Variants in NPM2 observed in about 807,000 individuals in gnomAD.
The protein encoded by NPM2 is nucleophosmin/nucleoplasmin 2.
NPM2 carries 25 observed loss-of-function variants against 32.0 expected under a neutral mutation model. The ratio of observed to expected loss-of-function variants is 0.78; its 90% confidence interval spans 0.57 to 1.09. The LOEUF is 1.09. Ranked by LOEUF, NPM2 falls within the 50% of genes least tolerant of loss-of-function variation. The pLI, the probability that NPM2 is intolerant of heterozygous loss-of-function variation, is 0.00. For missense variants in NPM2, 282 were observed against 259.9 expected, an observed-to-expected ratio of 1.08 and a Z score of -0.58; for synonymous variants, 111 against 94.2, an observed-to-expected ratio of 1.18 and a Z score of -1.04.
chr8:22,034,645 CACG>C, intron 8 of NPM2, 101 bp downstream of exon 8: 4 of 984,558 alleles, frequency 4.1e-6, no homozygotes, highest in Non-Finnish European at 4.7e-6. Context: ...CAAATGTACA[CACG>C]GTGTGTCTAC....
chr8:22,028,236 T>C (rs1167706409), intron 5 of NPM2, among the ~76,000 whole-genome samples: 1 of 152,116 alleles, frequency 6.6e-6, no homozygotes, highest in Non-Finnish European at 1.5e-5. Context: ...AACAGCAGAT[T>C]TGAGTAGTCT....
Position 22,036,811 on chromosome 8 carries a change from G to C in NPM2, c.*129G>C. 1.1e-6 allele frequency: 1 copy of C among 909,314 alleles called. No homozygotes were observed. The highest frequency in any genetic ancestry group is 1.6e-6 in the Non-Finnish European group (1 of 622,710). 56.3% of individuals were successfully genotyped at this position (909,314 alleles called of 1,614,324 possible). A position where few individuals can be genotyped will look rare whatever the true frequency, so the allele number is the denominator to read the frequency against. The stretch of plus-strand genomic sequence containing the variant: ...CAGGGGTGTTGCGGGGGCAACATGA[G>C]AGCCCCTCACCCCCAACTCTCCACT... On this transcript the variant is annotated 3_prime_UTR_variant, in exon 10 of 10. Transcript: ENST00000518119.
Position 22,025,665 on chromosome 8 carries a change from G to A in NPM2, c.163G>A (p.Ala55Thr), listed in dbSNP as rs140016297. Residue 55 changes from alanine to threonine, a missense_variant, in exon 5 of 10, where the codon GCC becomes ACC. Physicochemically the swap from Ala to Thr is moderately conservative, Grantham distance 58 (BLOSUM62 0). Coordinates refer to ENST00000518119, the MANE Select transcript of NPM2 (RefSeq NM_001286680.2). ...LLHTICLGEK[A>T]KEEMHRVEIL... ...CGCTCAGATTTGCTTGGGGGAGAAAGCCAAAGAGGAGATGCATCGCGTGGA... is the reference window on the plus strand; with the variant it reads ...CGCTCAGATTTGCTTGGGGGAGAAAACCAAAGAGGAGATGCATCGCGTGGA... 2.0e-5 allele frequency: 32 copies of A among 1,614,166 alleles called. No homozygotes were observed. Among genetic ancestry groups the A allele is most frequent in the Non-Finnish European group, 2.5e-5 (30 of 1,180,028 alleles).
chr8:22,033,409 G>T lies in NPM2; in HGVS notation c.364+186G>T, dbSNP rs139416103. The stretch of plus-strand genomic sequence containing the variant: ...TGGTCCCTGTTCTTCTTCTTTACCT[G>T]CCATGACCTCTGTAGGCTGCAGCCC... On this transcript the variant is annotated intron_variant, in intron 6 of 9. Transcript: ENST00000518119. Among the ~76,000 whole-genome samples the T allele has an allele frequency of 2.7e-3, 413 of 152,308 alleles. 4 individuals carry two copies. Among genetic ancestry groups the T allele is most frequent in the African/African-American group, 9.3e-3 (387 of 41,552 alleles).
chr8:22,028,983 C>T lies in NPM2; in HGVS notation c.270+3211C>T, dbSNP rs368556167. ...TATTTTATTAGATTAATTAAAGTTC[C>T]TTTTCCCCTTCTCTACTGGTTTGGA... On this transcript the variant is annotated intron_variant, in intron 5 of 9. Coordinates refer to ENST00000518119, the MANE Select transcript of NPM2 (RefSeq NM_001286680.2). Among the ~76,000 whole-genome samples, 5 of 152,112 alleles carry T rather than the reference C, an allele frequency of 3.3e-5. No individual in the cohort carries two copies. The East Asian group carries it at 7.7e-4, about 24-fold the overall frequency.
chr8:22,024,165 C>G lies in NPM2; in HGVS notation c.-599C>G, dbSNP rs1024577273. 1.3e-5 allele frequency: 2 copies of G among 152,490 alleles called. No homozygotes were observed. The highest frequency in any genetic ancestry group is 2.4e-5 in the African/African-American group (1 of 41,202). 9.4% of individuals were successfully genotyped at this position (152,490 alleles called of 1,614,324 possible). The stretch of plus-strand genomic sequence containing the variant: ...CTCCCCGCCCCCTGCCGCGGCGCCT[C>G]GCCTCCCGGCTCACCTCCCCACCCC... On this transcript the variant is annotated 5_prime_UTR_variant, in exon 1 of 10. Transcript: ENST00000518119.
intron 5 of NPM2, among the ~76,000 whole-genome samples, chr8:22,027,953 G>C (rs1287176693): frequency 9.2e-5 from 14 of 152,098 alleles, no homozygotes; most frequent in Admixed American, 9.2e-4. Context: ...CAGCAGTCCT[G>C]TTGTCTCTGC....
At position 22,034,278 on chromosome 8, in the gene NPM2, G is replaced by T. The variant is rs762546392; in HGVS notation, c.531+3G>T. On this transcript the variant is annotated splice_donor_region_variant and intron_variant, in intron 7 of 9. Coordinates refer to ENST00000518119, the MANE Select transcript of NPM2 (RefSeq NM_001286680.2). ...AGAAGCAGGCGAGCGTGGCTAAGGT[G>T]GGGGAAGGAGCGTGGCTGTTTGGAA... is the stretch of plus-strand genomic sequence containing the variant. 11 of 1,581,276 alleles carry T rather than the reference G, an allele frequency of 7.0e-6. No individual in the cohort carries two copies. Among genetic ancestry groups the T allele is most frequent in the Middle Eastern group, 2.0e-4 (1 of 4,960 alleles).
At chr8:22,036,429 G>C in intron 8 of NPM2, 64 bp from the exon 9 acceptor site, 2 of 1,540,718 alleles carry the variant, frequency 1.3e-6, no homozygotes, top group Non-Finnish European at 1.8e-6. Context: ...CCACGCCGCT[G>C]GTCTGGAGCT....
intron 5 of NPM2, among the ~76,000 whole-genome samples, chr8:22,032,450 A>T (rs1168152957): frequency 1.3e-5 from 2 of 152,156 alleles, no homozygotes; most frequent in African/African-American, 2.4e-5. Context: ...CACCTGTCTG[A>T]TGTGAAGAAA....
chr8:22,034,905 C>T (rs370132254), intron 8 of NPM2, among the ~76,000 whole-genome samples: 2 of 152,202 alleles, frequency 1.3e-5, no homozygotes, highest in South Asian at 2.1e-4. Context: ...GTCAGGAGCT[C>T]GAGACTAGCC....
intron 4 of NPM2, 60 bp downstream of exon 4, chr8:22,025,581 A>AG (rs1212273919): frequency 4.3e-6 from 7 of 1,613,500 alleles, no homozygotes; most frequent in Non-Finnish European, 5.9e-6. Flanking sequence ...GTCCCAACGG[A>AG]GGGCTATGGA....
At chr8:22,035,142 G>T (rs1222424978) in intron 8 of NPM2, among the ~76,000 whole-genome samples, 1 of 152,060 alleles carries the variant, frequency 6.6e-6, no homozygotes, top group South Asian at 2.1e-4. Flanking sequence ...GGCATTATTT[G>T]AATAGTGAAA....
chr8:22,024,974 G>A (rs181844103), intron 2 of NPM2, 144 bp downstream of exon 2: 16 of 474,412 alleles, frequency 3.4e-5, no homozygotes, highest in Non-Finnish European at 4.4e-5. Flanking sequence ...GAGCTCGGTG[G>A]ACAGCTCCCT....
chr8:22,032,344 C>T (rs2117460745), intron 5 of NPM2, among the ~76,000 whole-genome samples: 1 of 152,250 alleles, frequency 6.6e-6, no homozygotes, highest in South Asian at 2.1e-4. Flanking sequence ...AAAAGTAGTA[C>T]TGTAGAGGCT....
chr8:22,026,167 G>A (rs868141362), intron 5 of NPM2, among the ~76,000 whole-genome samples: 4 of 152,094 alleles, frequency 2.6e-5, no homozygotes, highest in African/African-American at 9.7e-5. Flanking sequence ...CTGTGCGTGC[G>A]AGGGGTCTAG....
chr8:22,028,332 G>T (rs1800322807), intron 5 of NPM2, among the ~76,000 whole-genome samples: 3 of 143,008 alleles, frequency 2.1e-5, no homozygotes, highest in Non-Finnish European at 4.5e-5. Flanking sequence ...CCACACAGCT[G>T]CCAAAAAGAT....
chr8:22,030,217 T>G (rs1800392674), intron 5 of NPM2, among the ~76,000 whole-genome samples: 1 of 152,162 alleles, frequency 6.6e-6, no homozygotes, highest in South Asian at 2.1e-4. Flanking sequence ...TTTTTCTGCT[T>G]TTTAATCATT....
At chr8:22,032,545 C>T (rs1212980046) in intron 5 of NPM2, among the ~76,000 whole-genome samples, 1 of 152,158 alleles carries the variant, frequency 6.6e-6, no homozygotes, top group Non-Finnish European at 1.5e-5. Context: ...TAACAAAATA[C>T]CACAGACTGG....
Sources: allele counts gnomAD v4.1 joint callset (sites outside exome capture counted in the v4.1 genomes callset), GRCh38; gene constraint gnomAD v4.1.1; transcripts MANE v1.5; gene names NCBI Gene and HGNC (gene_info 2026-07-23, HGNC 2026-07-21).